The following CELSR1 variants were observed in gnomAD, a reference collection of about 807,000 sequenced individuals.
The protein encoded by CELSR1 is adhesion G protein-coupled receptor C1.
A neutral mutation model predicts 249.1 loss-of-function variants in CELSR1; 110 were observed. The ratio of observed to expected loss-of-function variants is 0.44; its 90% CI spans 0.38 to 0.52. The LOEUF (loss-of-function observed/expected upper bound fraction) is 0.52, where lower values mean the gene tolerates loss of function less well. CELSR1 is among the 20% of genes least tolerant of loss of function. The pLI, the probability that CELSR1 is intolerant of heterozygous loss-of-function variation, is 0.00. For synonymous variants in CELSR1, 2,113 were observed against 1,900.0 expected (o/e 1.11, Z -2.92); for missense variants, 4,109 against 4,296.4 (o/e 0.96, Z 1.22).
In CELSR1 at chr22:46,402,631, G is replaced by C. The variant is rs770381229; in HGVS notation, c.5227-2729C>G. On this transcript the variant is annotated intron_variant, in intron 9 of 34. Transcript: ENST00000674500. This position sits in a 1 kb window ranked among gnomAD's most constrained non-coding sequence, Gnocchi z 5.0. ...TATGCTTGAAAACCAAGAGAAGCAA[G>C]GAAGAGTGGCAACAGACCACAGATT... 6.6e-6 allele frequency among the ~76,000 whole-genome samples: 1 copy of C among 152,190 alleles called. No homozygotes were observed. Among genetic ancestry groups the C allele is most frequent in the Non-Finnish European group, 1.5e-5 (1 of 68,048 alleles).
In CELSR1 at chr22:46,462,923, GGT is replaced by G. The variant is rs1342328664; in HGVS notation, c.4183+782_4183+783del. ...GGAGGATGAGTCACGAAATTTCTAC[GGT>G]GACAGGGAGGCATGAAAAAACAGGA... is the stretch of plus-strand genomic sequence containing the variant. On this transcript the variant is annotated intron_variant, in intron 2 of 34. Transcript: ENST00000674500. 3 of 468,110 alleles carry G rather than the reference GGT, an allele frequency of 6.4e-6. No individual in the cohort carries two copies. In the Admixed American group the frequency reaches 7.2e-5, roughly 11 times the overall value. 29.0% of individuals were successfully genotyped at this position (468,110 alleles called of 1,614,324 possible).
At position 46,374,676 on chromosome 22, in the gene CELSR1, G is replaced by A. The variant is rs2078898093; in HGVS notation, c.7585-1619C>T. ...CTGGGGTGTTGAGTTGCAGGGAGTG[G>A]CCTGCACCGACTCCCCTCTCCCCCA... is the stretch of plus-strand genomic sequence containing the variant. On this transcript the variant is annotated intron_variant, in intron 24 of 34. Transcript: ENST00000674500. This position sits in a 1 kb window ranked among gnomAD's most constrained non-coding sequence, Gnocchi z 4.3. Among the ~76,000 whole-genome samples the A allele has an allele frequency of 1.3e-5, 2 of 152,142 alleles. 1 individual carries two copies. The highest frequency in any genetic ancestry group is 4.1e-4 in the South Asian group (2 of 4,822).
intron 5 of CELSR1, among the ~76,000 whole-genome samples, chr22:46,421,105 G>C (rs987643124): frequency 6.6e-6 from 1 of 152,170 alleles, no homozygotes; most frequent in African/African-American, 2.4e-5. Flanking sequence ...CCTCCTCCAG[G>C]AGCTAACATG....
Position 46,533,835 on chromosome 22 carries a change from G to T in CELSR1, c.3336C>A (p.Val1112=). ...PDFQILFNNY[V]TNKSNSFPTG... ...TGGGGAAACTGTTGGACTTGTTGGT[G>T]ACATAGTTGTTGAAGAGGATCTGGA... The change falls in exon 1 of 35, where the codon GTC becomes GTA. Residue 1112 remains valine (V), a synonymous_variant. Transcript: ENST00000674500. The T allele has an allele frequency of 1.2e-6, 2 of 1,613,934 alleles. No homozygotes were observed. The highest frequency in any genetic ancestry group is 1.7e-6 in the Non-Finnish European group (2 of 1,180,032).
Position 46,407,993 on chromosome 22 carries a change from C to G in CELSR1, c.5226+1003G>C, listed in dbSNP as rs2079285692. ...ACCCTCCTGGGGAGGGTCCCCATGGCTGCCTCATGCGGCGGAGGTTGTGGC... is the reference window on the plus strand; with the variant it reads ...ACCCTCCTGGGGAGGGTCCCCATGGGTGCCTCATGCGGCGGAGGTTGTGGC... On this transcript the variant is annotated intron_variant, in intron 9 of 34. Transcript: ENST00000674500. The surrounding 1 kb of genome is among the most constrained non-coding windows in gnomAD (Gnocchi z 4.8). Among the ~76,000 whole-genome samples, 1 of 152,226 alleles carries G rather than the reference C, an allele frequency of 6.6e-6. No homozygotes were observed. The highest frequency in any genetic ancestry group is 1.5e-5 in the Non-Finnish European group (1 of 68,040).
In CELSR1 at chr22:46,536,737, G is replaced by A. The variant is rs553566026; in HGVS notation, c.434C>T (p.Ser145Leu). 1.5e-3 allele frequency: 1,725 copies of A among 1,171,100 alleles called. 22 individuals carry two copies. In the African/African-American group the frequency reaches 0.026, roughly 18 times the overall value. The allele number at this position is 1,171,100 out of a possible 1,614,324, so 72.5% of individuals were successfully genotyped here. Residue 145 changes from serine (S) to leucine (L), a missense_variant, in exon 1 of 35, where the codon TCG (serine) becomes TTG (leucine). By Grantham distance (145) the Ser-to-Leu change is moderately radical. This residue lies in a region of CELSR1 where 673 missense variants were observed against 636.8 expected (regional missense o/e 1.06). Coordinates refer to ENST00000674500, the MANE Select transcript of CELSR1 (RefSeq NM_001378328.1). ...VPGGCAAAQH[S>L]ALAAPTTLPA... ...TAAGGTGGTCGGAGCTGCGAGCGCC[G>A]AATGCTGCGCGGCCGCGCAGCCGCC...
intron 1 of CELSR1, among the ~76,000 whole-genome samples, chr22:46,520,810 A>G (rs570190123): frequency 6.6e-6 from 1 of 152,212 alleles, no homozygotes; most frequent in South Asian, 2.1e-4. Flanking sequence ...ACACTGTTAT[A>G]CAACCATCAT....
intron 13 of CELSR1, among the ~76,000 whole-genome samples, 184 bp from the exon 14 acceptor site, chr22:46,394,446 C>G (rs1049056057): frequency 6.6e-6 from 1 of 152,206 alleles, no homozygotes; most frequent in South Asian, 2.1e-4. Context: ...CCTCACCCCC[C>G]ACCCACAGAT....
At position 46,448,468 on chromosome 22, in the gene CELSR1, G is replaced by A. The variant is rs548719314; in HGVS notation, c.4184-9057C>T. 223 of 360,504 alleles carry A rather than the reference G, an allele frequency of 6.2e-4. 1 individual carries two copies. The highest frequency in any genetic ancestry group is 4.4e-3 in the African/African-American group (205 of 46,668). The allele number at this position is 360,504 out of a possible 1,614,324, so 22.3% of individuals were successfully genotyped here. On this transcript the variant is annotated intron_variant, in intron 2 of 34. Transcript: ENST00000674500. The surrounding 1 kb of genome is among the most constrained non-coding windows in gnomAD (Gnocchi z 5.7). ...CAGGACCTGGGGGAGGGCTGGGAAC[G>A]CGCTGGGAACGTGCCCCAGGAGGGG...
chr22:46,458,292 G>A (rs1318828108), intron 2 of CELSR1, among the ~76,000 whole-genome samples: 2 of 152,164 alleles, frequency 1.3e-5, no homozygotes, highest in African/African-American at 4.8e-5. Context: ...ACTTTATACT[G>A]GAGCACCGGT....
Position 46,440,702 on chromosome 22 carries a change from T to C in CELSR1, c.4184-1291A>G, listed in dbSNP as rs2079735613. On this transcript the variant is annotated intron_variant, in intron 2 of 34. Coordinates refer to ENST00000674500, the MANE Select transcript of CELSR1 (RefSeq NM_001378328.1). This position sits in a 1 kb window ranked among gnomAD's most constrained non-coding sequence, Gnocchi z 4.7. ...TGTGTTATAGAAGCTCCTCGTAAAT[T>C]ATGGAAGGAACTATTGTCATTTTCA... 2.0e-5 allele frequency among the ~76,000 whole-genome samples: 3 copies of C among 152,334 alleles called. No homozygotes were observed. Among genetic ancestry groups the C allele is most frequent in the Non-Finnish European group, 4.4e-5 (3 of 68,038 alleles).
At chr22:46,376,371 T>C (rs956415819) in intron 24 of CELSR1, among the ~76,000 whole-genome samples, 4 of 152,168 alleles carry the variant, frequency 2.6e-5, no homozygotes, top group Non-Finnish European at 5.9e-5. Context: ...TCTTTCTACA[T>C]CTTAAATCAT....
Position 46,465,217 on chromosome 22 carries a change from G to A in CELSR1, c.3545-872C>T, listed in dbSNP as rs139245225. Among the ~76,000 whole-genome samples, 850 of 152,084 alleles carry A rather than the reference G, an allele frequency of 5.6e-3. 8 individuals are homozygous for A. The highest frequency in any genetic ancestry group is 0.019 in the African/African-American group (798 of 41,468). ...GCCCTCACCTGCCACCTCCAGGCCC[G>A]GGCTCAGATGTGGGGTGGGATTTGC... is the stretch of plus-strand genomic sequence containing the variant. On this transcript the variant is annotated intron_variant, in intron 1 of 34. Coordinates refer to ENST00000674500, the MANE Select transcript of CELSR1 (RefSeq NM_001378328.1).
Position 46,533,646 on chromosome 22 carries a change from G to T in CELSR1, c.3525C>A (p.Leu1175=). The change falls in exon 1 of 35, where the codon CTC becomes CTA. Residue 1175 remains leucine (L), a synonymous_variant. Coordinates refer to ENST00000674500, the MANE Select transcript of CELSR1 (RefSeq NM_001378328.1). ...DLDNNRPLEA[L]MEVSVSDGIH... ...ACTCACCAGACACAGACACCTCCATGAGCGCCTCCAGCGGCCGGTTGTTGT... is the reference window on the plus strand; with the variant it reads ...ACTCACCAGACACAGACACCTCCATTAGCGCCTCCAGCGGCCGGTTGTTGT... The T allele has an allele frequency of 6.3e-7, 1 of 1,582,240 alleles. No homozygotes were observed.
chr22:46,507,788 C>T (rs1466689791), intron 1 of CELSR1, among the ~76,000 whole-genome samples: 1 of 152,194 alleles, frequency 6.6e-6, no homozygotes, highest in African/African-American at 2.4e-5. Flanking sequence ...CAGGTGAGCA[C>T]TGTGAAGCCG....
At chr22:46,513,240 C>CTACG (rs1449868101) in intron 1 of CELSR1, among the ~76,000 whole-genome samples, 2 of 152,198 alleles carry the variant, frequency 1.3e-5, no homozygotes, top group African/African-American at 4.8e-5. Flanking sequence ...CGGTATCCAA[C>CTACG]TACGGCCTTT....
intron 1 of CELSR1, among the ~76,000 whole-genome samples, chr22:46,513,516 C>G (rs1333332799): frequency 6.6e-6 from 1 of 150,950 alleles, no homozygotes. Context: ...TATTCTCAAC[C>G]ATAAAATCTT....
At chr22:46,497,483 G>C (rs959401393) in intron 1 of CELSR1, among the ~76,000 whole-genome samples, 5 of 152,178 alleles carry the variant, frequency 3.3e-5, no homozygotes, top group Admixed American at 6.5e-5. Context: ...TCTGGTAGTA[G>C]CCAGAGGAGT....
chr22:46,437,131 T>C lies in CELSR1; in HGVS notation c.4407-842A>G, dbSNP rs188222882. Among the ~76,000 whole-genome samples, 3 of 152,326 alleles carry C rather than the reference T, an allele frequency of 2.0e-5. No individual in the cohort carries two copies. The highest frequency in any genetic ancestry group is 7.2e-5 in the African/African-American group (3 of 41,570). ...ACAGACGCCTGAACATGAACAGGCC[T>C]GTCAGAACTTAGAGCACGCTGAGCA... On this transcript the variant is annotated intron_variant, in intron 3 of 34. Coordinates refer to ENST00000674500, the MANE Select transcript of CELSR1 (RefSeq NM_001378328.1). The surrounding 1 kb of genome is among the most constrained non-coding windows in gnomAD (Gnocchi z 4.9).
Sources: allele counts gnomAD v4.1 joint callset (sites outside exome capture counted in the v4.1 genomes callset), GRCh38; gene constraint gnomAD v4.1.1; regional missense constraint gnomAD v4.1.1; non-coding constraint Gnocchi (gnomAD v3.1); transcripts MANE v1.5; gene names NCBI Gene and HGNC (gene_info 2026-07-23, HGNC 2026-07-21).